MBOAT1: variants seen among roughly 807,000 people sequenced by gnomAD.
MBOAT1 encodes membrane-bound glycerophospholipid O-acyltransferase 1.
In MBOAT1, 67 loss-of-function variants were observed where a neutral mutation model predicts 64.4. The ratio of observed to expected loss-of-function variants is 1.04; its 90% CI spans 0.85 to 1.27. MBOAT1 has a LOEUF of 1.27. Among genes scored for constraint, MBOAT1 ranks in the 50% most tolerant of loss-of-function variants. MBOAT1 has a pLI of 0.00. For missense variants in MBOAT1, 563 were observed against 604.6 expected (o/e 0.93, Z 0.72); for synonymous variants, 229 against 218.9 (o/e 1.05, Z -0.41).
intron 12 of MBOAT1, 137 bp downstream of exon 12, chr6:20,109,461 T>C (rs1760056322): frequency 7.5e-6 from 8 of 1,071,348 alleles, no homozygotes; most frequent in South Asian, 1.7e-5. Flanking sequence ...CTCTTAAAGC[T>C]TCTATGGACA....
chr6:20,149,901 G>A lies in MBOAT1; in HGVS notation c.323+1284C>T, dbSNP rs369652391. On this transcript the variant is annotated intron_variant, in intron 3 of 12. Coordinates refer to ENST00000324607, the MANE Select transcript of MBOAT1 (RefSeq NM_001080480.3). ...AAGGCACCTGCTTTTCAGAGAGGCC[G>A]TCAGAAGCCATAAAAGGACAAATAT... 3.5e-3 allele frequency among the ~76,000 whole-genome samples: 526 copies of A among 152,272 alleles called. 1 individual carries two copies. The highest frequency in any genetic ancestry group is 5.7e-3 in the Admixed American group (87 of 15,296).
chr6:20,171,784 A>G (rs1762205593), intron 1 of MBOAT1, among the ~76,000 whole-genome samples: 1 of 152,114 alleles, frequency 6.6e-6, no homozygotes, highest in Non-Finnish European at 1.5e-5. Flanking sequence ...CTGTAATCCC[A>G]CTACTTTGGG....
intron 1 of MBOAT1, among the ~76,000 whole-genome samples, chr6:20,191,317 C>T (rs1215958714): frequency 6.6e-6 from 1 of 152,196 alleles, no homozygotes; most frequent in Non-Finnish European, 1.5e-5. Context: ...GAACTGTGAA[C>T]CCAATAAACA....
intron 9 of MBOAT1, among the ~76,000 whole-genome samples, chr6:20,116,943 T>A (rs1760338681): frequency 6.6e-6 from 1 of 152,080 alleles, no homozygotes; most frequent in African/African-American, 2.4e-5. Context: ...GAGAGAAGAA[T>A]CTTAGTGGGA....
At chr6:20,152,979 C>T (rs1174628009) in intron 1 of MBOAT1, among the ~76,000 whole-genome samples, 14 of 152,232 alleles carry the variant, frequency 9.2e-5, no homozygotes, top group African/African-American at 2.9e-4. Context: ...ACTACAGGCG[C>T]CCGCCACCAC....
intron 1 of MBOAT1, among the ~76,000 whole-genome samples, chr6:20,194,006 T>C (rs1467861699): frequency 6.6e-6 from 1 of 152,148 alleles, no homozygotes; most frequent in African/African-American, 2.4e-5. Context: ...CATATAACAG[T>C]GTAACTGCAT....
At chr6:20,175,886 G>A (rs1330095071) in intron 1 of MBOAT1, among the ~76,000 whole-genome samples, 1 of 144,526 alleles carries the variant, frequency 6.9e-6, no homozygotes, top group East Asian at 1.9e-4. Context: ...TCACGGGCAT[G>A]AGTCACTGCA....
intron 1 of MBOAT1, among the ~76,000 whole-genome samples, chr6:20,169,931 G>A (rs752965478): frequency 1.3e-5 from 2 of 152,100 alleles, no homozygotes; most frequent in Admixed American, 6.5e-5. Context: ...CCAAGTCATC[G>A]ACTATCTCCT....
chr6:20,115,286 A>T lies in MBOAT1; in HGVS notation c.1076+2T>A, dbSNP rs764470126. The T allele has an allele frequency of 1.2e-6, 2 of 1,611,424 alleles. No individual in the cohort carries two copies. The highest frequency in any genetic ancestry group is 1.7e-6 in the Non-Finnish European group (2 of 1,177,860). ...TAATGAGGTCGTTTTTGTTTTTCTT[A>T]CCACTTTAGCCAAGTAGCTGTCTGA... On this transcript the variant is annotated splice_donor_variant, in intron 10 of 12. Coordinates refer to ENST00000324607, the MANE Select transcript of MBOAT1 (RefSeq NM_001080480.3). LOFTEE classifies it high-confidence loss of function.
Position 20,109,700 on chromosome 6 carries a change from G to A in MBOAT1, c.1259C>T (p.Ala420Val), listed in dbSNP as rs1355754866. 1.2e-6 allele frequency: 2 copies of A among 1,614,022 alleles called. No homozygotes were observed. Among genetic ancestry groups the A allele is most frequent in the East Asian group, 2.2e-5 (1 of 44,880 alleles). Reference protein sequence around the residue: ...HYFLSSRALKAVYDAGTWAVT... With the variant: ...HYFLSSRALKVVYDAGTWAVT... ...GGCCCAGGTGCCTGCATCATACACA[G>A]CCTTGAGAGCTCTTGAAGAAAGGAA... The change falls in exon 12 of 13, where the codon GCT becomes GTT. Residue 420 changes from alanine (A) to valine (V), a missense_variant. Coordinates refer to ENST00000324607, the MANE Select transcript of MBOAT1 (RefSeq NM_001080480.3).
At chr6:20,162,619 G>C (rs1280210749) in intron 1 of MBOAT1, among the ~76,000 whole-genome samples, 1 of 152,156 alleles carries the variant, frequency 6.6e-6, no homozygotes, top group East Asian at 1.9e-4. Context: ...CACATCTACT[G>C]TCTCATTTAA....
chr6:20,186,579 G>T lies in MBOAT1; in HGVS notation c.99+25557C>A, dbSNP rs138110357. On this transcript the variant is annotated intron_variant, in intron 1 of 12. Transcript: ENST00000324607. ...GGCTAGTAGGTCTCTGAATCTGGAG[G>T]GTCCCCAACAAGGCCAGCCTGAAAT... Among the ~76,000 whole-genome samples, 35 of 152,290 alleles carry T rather than the reference G, an allele frequency of 2.3e-4. No homozygotes were observed. The East Asian group carries it at 6.8e-3, about 29-fold the overall frequency.
At chr6:20,163,962 G>A (rs1490447366) in intron 1 of MBOAT1, among the ~76,000 whole-genome samples, 2 of 152,020 alleles carry the variant, frequency 1.3e-5, no homozygotes, top group Non-Finnish European at 2.9e-5. Context: ...CTTGACCGGG[G>A]CCCGGGATGT....
In MBOAT1 at chr6:20,102,254, C is replaced by T; in HGVS notation, c.*32G>A. On this transcript the variant is annotated 3_prime_UTR_variant, in exon 13 of 13. Transcript: ENST00000324607. ...GTCATCTCATCTTTCGAACGTTCTGCAGTTTTGCTTGTTCCGCTTCTCTTG... is the reference window on the plus strand; with the variant it reads ...GTCATCTCATCTTTCGAACGTTCTGTAGTTTTGCTTGTTCCGCTTCTCTTG... The T allele has an allele frequency of 6.2e-7, 1 of 1,602,200 alleles. No individual in the cohort carries two copies. Among genetic ancestry groups the T allele is most frequent in the Non-Finnish European group, 8.5e-7 (1 of 1,174,012 alleles).
chr6:20,102,504 G>A, intron 12 of MBOAT1, 92 bp from the exon 13 acceptor site: 1 of 1,107,382 alleles, frequency 9.0e-7, no homozygotes, highest in Non-Finnish European at 1.3e-6. Flanking sequence ...TGACAAGTGA[G>A]AGCACCGCTT....
Position 20,100,940 on chromosome 6 carries a change from G to A in MBOAT1, c.*1346C>T, listed in dbSNP as rs911553845. Reference sequence around the variant, plus strand: ...GGGGCCATAGCACATTCATAACAAAGATAGAAAAGAAAACTTTCAATGTCT... The same window carrying A: ...GGGGCCATAGCACATTCATAACAAAAATAGAAAAGAAAACTTTCAATGTCT... On this transcript the variant is annotated 3_prime_UTR_variant, in exon 13 of 13. Coordinates refer to ENST00000324607, the MANE Select transcript of MBOAT1 (RefSeq NM_001080480.3). 1.3e-5 allele frequency among the ~76,000 whole-genome samples: 2 copies of A among 151,950 alleles called. No individual in the cohort carries two copies. The highest frequency in any genetic ancestry group is 2.9e-5 in the Non-Finnish European group (2 of 67,986).
chr6:20,195,717 G>T (rs1033868222), intron 1 of MBOAT1, among the ~76,000 whole-genome samples: 33 of 151,938 alleles, frequency 2.2e-4, no homozygotes, highest in African/African-American at 8.0e-4. Flanking sequence ...AACTAAACAT[G>T]AGTTCATACT....
At chr6:20,192,991 A>ATTTTTTTTTTTT (rs1238333593) in intron 1 of MBOAT1, among the ~76,000 whole-genome samples, 18 of 59,844 alleles carry the variant, frequency 3.0e-4, no homozygotes, top group East Asian at 1.1e-3. Flanking sequence ...GTATGCTATA[A>ATTTTTTTTTTTT]TTTCTTTTTT....
intron 1 of MBOAT1, among the ~76,000 whole-genome samples, chr6:20,187,598 AAAG>A (rs1346357958): frequency 6.6e-6 from 1 of 152,246 alleles, no homozygotes; most frequent in East Asian, 1.9e-4. Flanking sequence ...AATTTTCAAC[AAAG>A]AAGAGAAGGA....
Sources: allele counts gnomAD v4.1 joint callset (sites outside exome capture counted in the v4.1 genomes callset), GRCh38; gene constraint gnomAD v4.1.1; transcripts MANE v1.5; gene names NCBI Gene and HGNC (gene_info 2026-07-23, HGNC 2026-07-21).